Variants in SV2C observed in about 807,000 individuals in gnomAD.
The protein encoded by SV2C is solute carrier family 22 member B3.
Under a neutral mutation model 79.7 loss-of-function variants are expected in SV2C, and 49 were observed. That is an observed-to-expected ratio of 0.61 (90% CI 0.49 to 0.78). The LOEUF (loss-of-function observed/expected upper bound fraction) is 0.78, where lower values mean the gene tolerates loss of function less well. Ranked by LOEUF, SV2C falls within the 30% of genes least tolerant of loss-of-function variation. The pLI is 0.00. For missense variants in SV2C, 833 were observed against 912.9 expected (o/e 0.91, Z 1.13); for synonymous variants, 334 against 333.2 (o/e 1.00, Z -0.03).
intron 4 of SV2C, among the ~76,000 whole-genome samples, chr5:76,217,030 A>G (rs911215412): frequency 2.0e-5 from 3 of 152,208 alleles, no homozygotes; most frequent in Non-Finnish European, 4.4e-5. Context: ...GTGTTCAATT[A>G]GCTAAATGGG....
chr5:76,099,989 C>A (rs1218435535), intron 1 of SV2C, among the ~76,000 whole-genome samples: 3 of 152,210 alleles, frequency 2.0e-5, no homozygotes, highest in Non-Finnish European at 4.4e-5. Flanking sequence ...TCTGAATGTA[C>A]AGCCATGTCA....
chr5:75,886,197 A>G, the SV2C span, among the ~76,000 whole-genome samples: 2 of 152,164 alleles, frequency 1.3e-5, no homozygotes, highest in African/African-American at 4.8e-5. Flanking sequence ...GGAGCTCATC[A>G]TTCCTATGAG....
the SV2C span, among the ~76,000 whole-genome samples, chr5:75,972,364 A>G: frequency 2.6e-5 from 4 of 152,252 alleles, no homozygotes; most frequent in East Asian, 7.7e-4. Flanking sequence ...GCACAGCAAA[A>G]GAAACTACCA....
chr5:76,284,509 A>G (rs1281233337), intron 4 of SV2C, among the ~76,000 whole-genome samples: 1 of 152,132 alleles, frequency 6.6e-6, no homozygotes, highest in Admixed American at 6.5e-5. Context: ...AGAGAAAGCA[A>G]TAAGGAATAA....
intron 12 of SV2C, among the ~76,000 whole-genome samples, chr5:76,319,496 A>G (rs1748753069): frequency 6.6e-6 from 1 of 152,180 alleles, no homozygotes; most frequent in Admixed American, 6.5e-5. Context: ...TTTTCCAAGG[A>G]AAGGGTAGTC....
At chr5:76,191,191 T>C (rs796855130) in intron 2 of SV2C, among the ~76,000 whole-genome samples, 15 of 149,426 alleles carry the variant, frequency 1.0e-4, no homozygotes, top group African/African-American at 3.7e-4. Context: ...AGGGAGGTGC[T>C]ACACACTTTT....
the SV2C span, among the ~76,000 whole-genome samples, chr5:76,022,880 T>G: frequency 1.3e-5 from 2 of 152,254 alleles, no homozygotes; most frequent in Non-Finnish European, 2.9e-5. Flanking sequence ...TACATCTAAG[T>G]TGTTTGAGAT....
At chr5:76,339,892 T>C (rs531459012) in intron 12 of SV2C, among the ~76,000 whole-genome samples, 2 of 152,208 alleles carry the variant, frequency 1.3e-5, no homozygotes, top group African/African-American at 4.8e-5. Flanking sequence ...CTGAGACCTA[T>C]TGGGCTGCAT....
chr5:75,900,680 C>G, the SV2C span, among the ~76,000 whole-genome samples: 8 of 152,272 alleles, frequency 5.3e-5, no homozygotes, highest in South Asian at 1.7e-3. Flanking sequence ...GTTCCACTCT[C>G]CCCGTCACTT....
the SV2C span, among the ~76,000 whole-genome samples, chr5:75,907,114 A>T: frequency 3.3e-4 from 50 of 152,296 alleles, no homozygotes; most frequent in African/African-American, 1.1e-3. Context: ...AATAACAACC[A>T]CTGGCCATAT....
At chr5:75,955,321 C>T in the SV2C span, among the ~76,000 whole-genome samples, 2 of 149,148 alleles carry the variant, frequency 1.3e-5, no homozygotes, top group Admixed American at 1.3e-4. Flanking sequence ...ATAAATGGTG[C>T]TGGGAAAACT....
At chr5:76,149,626 T>C (rs1024831527) in intron 2 of SV2C, among the ~76,000 whole-genome samples, 7 of 152,252 alleles carry the variant, frequency 4.6e-5, no homozygotes, top group African/African-American at 1.7e-4. Flanking sequence ...GTAACATCTA[T>C]GTATGAAGGG....
At chr5:76,133,552 A>G (rs1378161024) in intron 2 of SV2C, among the ~76,000 whole-genome samples, 1 of 152,044 alleles carries the variant, frequency 6.6e-6, no homozygotes, top group Non-Finnish European at 1.5e-5. Flanking sequence ...TATATGACCC[A>G]CTCCTAGTAT....
the SV2C span, among the ~76,000 whole-genome samples, chr5:75,935,741 C>A: frequency 6.6e-6 from 1 of 152,096 alleles, no homozygotes; most frequent in Non-Finnish European, 1.5e-5. Context: ...TAGAGGCATG[C>A]AACAGATCAG....
At chr5:75,901,506 C>T in the SV2C span, among the ~76,000 whole-genome samples, 5 of 152,212 alleles carry the variant, frequency 3.3e-5, no homozygotes, top group East Asian at 9.6e-4. Flanking sequence ...CTGGGGGGTG[C>T]CTCCCCATTA....
the SV2C span, among the ~76,000 whole-genome samples, chr5:75,900,887 G>A: frequency 2.6e-5 from 4 of 152,098 alleles, no homozygotes; most frequent in African/African-American, 9.7e-5. Context: ...CAGCTCCCGA[G>A]GCTTCTGCAT....
the SV2C span, among the ~76,000 whole-genome samples, chr5:75,888,813 C>G: frequency 2.6e-5 from 4 of 152,078 alleles, no homozygotes; most frequent in African/African-American, 9.7e-5. Context: ...TATGCTATAC[C>G]TAGAATCTTG....
chr5:76,144,968 G>A (rs1445888622), intron 2 of SV2C, among the ~76,000 whole-genome samples: 2 of 152,170 alleles, frequency 1.3e-5, no homozygotes, highest in Non-Finnish European at 2.9e-5. Flanking sequence ...GGAGAGAATG[G>A]ACCATCTTCT....
At chr5:75,988,112 C>A in the SV2C span, among the ~76,000 whole-genome samples, 1 of 151,976 alleles carries the variant, frequency 6.6e-6, no homozygotes, top group Admixed American at 6.6e-5. Flanking sequence ...AGTTCATGTG[C>A]ATGTATGTGT....
Sources: gnomAD v4.1 joint callset for allele counts (sites outside exome capture counted in the v4.1 genomes callset) on GRCh38, gnomAD v4.1.1 for gene constraint, MANE v1.5 for transcripts, NCBI Gene and HGNC (gene_info 2026-07-23, HGNC 2026-07-21) for gene names.